Variants in PREX2 observed in about 807,000 individuals in gnomAD.
PREX2 encodes phosphatidylinositol-3,4,5-trisphosphate dependent Rac exchange factor 2, also known as phosphatidylinositol 3,4,5-trisphosphate-dependent Rac exchanger 2 protein.
In PREX2, 107 loss-of-function variants were observed where a neutral mutation model predicts 203.2. The ratio of observed to expected loss-of-function variants is 0.53; its 90% CI spans 0.45 to 0.62. PREX2 has a LOEUF of 0.62. PREX2 is among the 20% of genes least tolerant of loss of function. The pLI, the probability that PREX2 is intolerant of heterozygous loss-of-function variation, is 0.00. For missense variants in PREX2, 1,777 were observed against 1,955.9 expected (o/e 0.91, Z 1.72); for synonymous variants, 672 against 663.6 (o/e 1.01, Z -0.19).
At chr8:68,139,848 G>C (rs1811190882) in intron 33 of PREX2, among the ~76,000 whole-genome samples, 1 of 152,142 alleles carries the variant, frequency 6.6e-6, no homozygotes, top group Admixed American at 6.5e-5. Context: ...GAGGGTATTT[G>C]ATAAGGATAA....
chr8:68,016,458 A>G (rs1807411638), intron 1 of PREX2, among the ~76,000 whole-genome samples: 1 of 152,144 alleles, frequency 6.6e-6, no homozygotes, highest in Non-Finnish European at 1.5e-5. Flanking sequence ...TGAATATATC[A>G]TAATATGCTT....
At chr8:68,158,978 A>G (rs934539340) in intron 35 of PREX2, among the ~76,000 whole-genome samples, 2 of 152,170 alleles carry the variant, frequency 1.3e-5, no homozygotes, top group Non-Finnish European at 2.9e-5. Context: ...GTTTCATCAG[A>G]AGAAGGAAAA....
intron 23 of PREX2, among the ~76,000 whole-genome samples, chr8:68,101,650 A>G (rs1476214243): frequency 6.6e-6 from 1 of 152,238 alleles, no homozygotes; most frequent in Non-Finnish European, 1.5e-5. Flanking sequence ...AACAAATGCA[A>G]ATCAGTATTC....
chr8:68,052,353 T>C (rs760277400), intron 8 of PREX2, among the ~76,000 whole-genome samples: 5 of 152,180 alleles, frequency 3.3e-5, no homozygotes, highest in African/African-American at 1.2e-4. Flanking sequence ...TACCCGCTGT[T>C]AGGCAGACAG....
chr8:68,152,931 G>A (rs1004369069), intron 34 of PREX2, among the ~76,000 whole-genome samples: 1 of 152,172 alleles, frequency 6.6e-6, no homozygotes, highest in African/African-American at 2.4e-5. Context: ...GTGTCTCTGA[G>A]GTGCCTGGCC....
chr8:68,118,370 A>AT (rs1254306753), intron 26 of PREX2, among the ~76,000 whole-genome samples, 180 bp from the exon 27 acceptor site: 19 of 151,966 alleles, frequency 1.3e-4, no homozygotes, highest in African/African-American at 4.3e-4. Context: ...AAAAAAAAAA[A>AT]GACAGAAAAT....
chr8:68,127,339 A>G (rs377267658), intron 30 of PREX2, 39 bp from the exon 31 acceptor site: 1 of 1,503,206 alleles, frequency 6.7e-7, no homozygotes, highest in Non-Finnish European at 9.2e-7. Flanking sequence ...TGTGACAGAA[A>G]GAGTGAACAA....
At chr8:68,007,861 G>A (rs1807141796) in intron 1 of PREX2, among the ~76,000 whole-genome samples, 2 of 152,096 alleles carry the variant, frequency 1.3e-5, no homozygotes, top group African/African-American at 2.4e-5. Flanking sequence ...CGCCCACCTC[G>A]GCCTCCCAAA....
intron 28 of PREX2, 22 bp from the exon 29 acceptor site, chr8:68,120,174 C>T (rs766761958): frequency 1.3e-5 from 19 of 1,492,794 alleles, no homozygotes; most frequent in South Asian, 8.0e-5. Context: ...ATATGTAACT[C>T]GGAAATCTCT....
rs1810107699 is a variant in PREX2 at position 68,097,163 on chromosome 8, A to G, written c.2515A>G (p.Met839Val). 6.2e-7 allele frequency: 1 copy of G among 1,613,908 alleles called. No individual in the cohort carries two copies. Among genetic ancestry groups the G allele is most frequent in the Non-Finnish European group, 8.5e-7 (1 of 1,179,860 alleles). The change falls in exon 22 of 40, where the codon ATG becomes GTG. Residue 839 changes from methionine to valine, a missense_variant. By Grantham distance (21) the Met-to-Val change is conservative. Coordinates refer to ENST00000288368, the MANE Select transcript of PREX2 (RefSeq NM_024870.4). The part of the protein sequence containing the change: ...AGIKCNVVEK[M>V]IEPKGFFSLT... ...CATCAAGTGCAATGTGGTGGAAAAGATGATTGAGCCCAAAGGTTTCTTCAG... is the reference window on the plus strand; with the variant it reads ...CATCAAGTGCAATGTGGTGGAAAAGGTGATTGAGCCCAAAGGTTTCTTCAG...
chr8:68,156,795 T>C (rs1011130661), intron 34 of PREX2, among the ~76,000 whole-genome samples: 1 of 152,184 alleles, frequency 6.6e-6, no homozygotes, highest in Non-Finnish European at 1.5e-5. Context: ...GTTGTGCAGA[T>C]AAAACTATCT....
In PREX2 at chr8:67,952,515, A is replaced by T; in HGVS notation, c.121A>T (p.Thr41Ser). The T allele has an allele frequency of 3.1e-6, 5 of 1,610,410 alleles. No homozygotes were observed. The highest frequency in any genetic ancestry group is 2.5e-6 in the Non-Finnish European group (3 of 1,178,402). ...LQKTERDYVG[T>S]LEFLVSAFLH... The stretch of plus-strand genomic sequence containing the variant: ...GAAGACCGAGCGGGACTATGTGGGC[A>T]CGCTGGAGTTCCTGGTGTCGGTGAG... Residue 41 changes from threonine (T) to serine (S), a missense_variant, in exon 1 of 40, where the codon ACG becomes TCG. Physicochemically the swap from Thr to Ser is moderately conservative, Grantham distance 58. Transcript: ENST00000288368.
intron 1 of PREX2, among the ~76,000 whole-genome samples, chr8:67,991,512 A>G (rs1380064050): frequency 1.3e-5 from 2 of 152,192 alleles, no homozygotes; most frequent in Non-Finnish European, 2.9e-5. Context: ...CTTCTTTACA[A>G]GGTGGGAGGA....
In PREX2 at chr8:68,157,865, T is replaced by A. The variant is rs1278016743; in HGVS notation, c.4346+429T>A. On this transcript the variant is annotated intron_variant, in intron 35 of 39. Coordinates refer to ENST00000288368, the MANE Select transcript of PREX2 (RefSeq NM_024870.4). The stretch of plus-strand genomic sequence containing the variant: ...TCAGCATGGAAGATATGATTGATCA[T>A]GTGCTTGGTATTGGAAAAATATGTA... Among the ~76,000 whole-genome samples the A allele has an allele frequency of 3.9e-5, 6 of 151,992 alleles. No individual in the cohort carries two copies. The East Asian group carries it at 9.7e-4, about 24-fold the overall frequency.
intron 35 of PREX2, among the ~76,000 whole-genome samples, chr8:68,176,223 C>T (rs1310789159): frequency 6.6e-6 from 1 of 152,134 alleles, no homozygotes; most frequent in Non-Finnish European, 1.5e-5. Flanking sequence ...GAACAAATCC[C>T]TTTCTAGTCT....
chr8:67,988,621 G>C (rs1806505946), intron 1 of PREX2, among the ~76,000 whole-genome samples: 1 of 152,204 alleles, frequency 6.6e-6, no homozygotes, highest in South Asian at 2.1e-4. Flanking sequence ...CATCTTCTCT[G>C]TTTCCCAAGG....
At chr8:68,028,255 A>G (rs1807788183) in intron 5 of PREX2, among the ~76,000 whole-genome samples, 1 of 151,764 alleles carries the variant, frequency 6.6e-6, no homozygotes, top group Admixed American at 6.6e-5. Flanking sequence ...ATAGGATTAT[A>G]TAATGATAAT....
intron 35 of PREX2, 52 bp downstream of exon 35, chr8:68,157,488 T>C (rs1267423974): frequency 2.2e-6 from 2 of 923,550 alleles, no homozygotes; most frequent in Non-Finnish European, 1.7e-6. Context: ...TTGATAGAAA[T>C]GTATTAATAG....
At chr8:67,987,912 A>AGTATGTGTGTGTGT (rs139568645) in intron 1 of PREX2, among the ~76,000 whole-genome samples, 7,123 of 150,862 alleles carry the variant, frequency 0.047, 188 homozygotes, top group Non-Finnish European at 0.064. Context: ...GCAGCCAGGG[A>AGTATGTGTGTGTGT]GTGTGTGTGT....
Sources: gnomAD v4.1 joint callset for allele counts (sites outside exome capture counted in the v4.1 genomes callset) on GRCh38, gnomAD v4.1.1 for gene constraint, MANE v1.5 for transcripts, NCBI Gene and HGNC (gene_info 2026-07-23, HGNC 2026-07-21) for gene names.